The following MAGI2 variants were observed in gnomAD, a reference collection of about 807,000 sequenced individuals.
MAGI2 encodes membrane associated guanylate kinase, WW and PDZ domain containing 2, also known as membrane-associated guanylate kinase, WW and PDZ domain-containing protein 2.
MAGI2 carries 35 observed loss-of-function variants against 133.3 expected under a neutral mutation model. The observed-to-expected ratio is 0.26, with a 90% CI of 0.20 to 0.35. The LOEUF (loss-of-function observed/expected upper bound fraction) is 0.35. Among genes scored for constraint, MAGI2 ranks in the 10% least tolerant of loss-of-function variants. The probability of loss-of-function intolerance (pLI) is 1.00; values close to 1 mark genes in which losing one functional copy is unlikely to be tolerated. For synonymous variants in MAGI2, 729 were observed against 710.6 expected (o/e 1.03, Z -0.41); for missense variants, 1,636 against 1,863.4 (o/e 0.88, Z 2.25).
intron 6 of MAGI2, among the ~76,000 whole-genome samples, chr7:78,431,361 G>C (rs1163071064): frequency 6.6e-6 from 1 of 152,036 alleles, no homozygotes; most frequent in African/African-American, 2.4e-5. Flanking sequence ...TATTTAGGGA[G>C]AGGAAGCAAA....
chr7:78,671,666 C>T (rs73380224), intron 2 of MAGI2, among the ~76,000 whole-genome samples: 1,694 of 152,150 alleles, frequency 0.011, 38 homozygotes, highest in African/African-American at 0.038. Flanking sequence ...CTTGGCACTG[C>T]ATAAAGAAAG....
intron 15 of MAGI2, among the ~76,000 whole-genome samples, chr7:78,164,304 T>C (rs1825405425): frequency 6.6e-6 from 1 of 152,180 alleles, no homozygotes; most frequent in South Asian, 2.1e-4. Context: ...CAGACAGGCA[T>C]ATTTTGCCTT....
At chr7:78,495,270 A>G (rs1382100919) in intron 5 of MAGI2, among the ~76,000 whole-genome samples, 3 of 152,040 alleles carry the variant, frequency 2.0e-5, no homozygotes, top group Non-Finnish European at 2.9e-5. Flanking sequence ...CTAGGCCCCT[A>G]TCCCCCAACA....
At chr7:78,108,618 CT>C (rs1406522694) in intron 20 of MAGI2, among the ~76,000 whole-genome samples, 1 of 143,512 alleles carries the variant, frequency 7.0e-6, no homozygotes, top group Non-Finnish European at 1.5e-5. Flanking sequence ...CTCTCTCTCT[CT>C]CATTCTCTCT....
At chr7:78,602,359 C>T (rs1805296653) in intron 3 of MAGI2, among the ~76,000 whole-genome samples, 1 of 152,126 alleles carries the variant, frequency 6.6e-6, no homozygotes, top group Non-Finnish European at 1.5e-5. Context: ...GGGGTTTCAC[C>T]ACGTTGGCCA....
chr7:78,116,963 T>C lies in MAGI2; in HGVS notation c.3567+8731A>G, dbSNP rs187129704. ...GGTAAATTATTAGGAAGAAAAGCAG[T>C]TTATCAGAATAGACTTAAAAAGCAA... On this transcript the variant is annotated intron_variant, in intron 20 of 21. Coordinates refer to ENST00000354212, the MANE Select transcript of MAGI2 (RefSeq NM_012301.4). Among the ~76,000 whole-genome samples, 65 of 151,588 alleles carry C rather than the reference T, an allele frequency of 4.3e-4. 1 individual carries two copies. Among genetic ancestry groups the C allele is most frequent in the Admixed American group, 3.7e-3 (56 of 15,166 alleles).
At chr7:79,252,833 G>T (rs1318819174) in intron 1 of MAGI2, among the ~76,000 whole-genome samples, 3 of 152,090 alleles carry the variant, frequency 2.0e-5, no homozygotes, top group Non-Finnish European at 4.4e-5. Flanking sequence ...AAATCAGAAG[G>T]TTTTCAATCA....
At chr7:78,905,272 C>T (rs1797911581) in intron 2 of MAGI2, among the ~76,000 whole-genome samples, 1 of 152,166 alleles carries the variant, frequency 6.6e-6, no homozygotes, top group South Asian at 2.1e-4. Flanking sequence ...GACACCGTGC[C>T]GTGCAAGCCA....
intron 6 of MAGI2, among the ~76,000 whole-genome samples, chr7:78,481,718 AT>A (rs1217566197): frequency 2.3e-5 from 3 of 128,230 alleles, no homozygotes. Flanking sequence ...GGAAAAAAAA[AT>A]AGAGAACCTT....
At chr7:78,118,574 C>A (rs1045786385) in intron 20 of MAGI2, among the ~76,000 whole-genome samples, 1 of 152,188 alleles carries the variant, frequency 6.6e-6, no homozygotes, top group Non-Finnish European at 1.5e-5. Context: ...AGAAGATATA[C>A]ATATGGCAGA....
intron 2 of MAGI2, among the ~76,000 whole-genome samples, chr7:78,822,652 G>A (rs1240413935): frequency 1.3e-5 from 2 of 151,922 alleles, no homozygotes; most frequent in Non-Finnish European, 2.9e-5. Flanking sequence ...AAAATACAAT[G>A]ACAATATAAG....
At chr7:78,282,384 C>A (rs897923217) in intron 9 of MAGI2, among the ~76,000 whole-genome samples, 1 of 152,108 alleles carries the variant, frequency 6.6e-6, no homozygotes, top group African/African-American at 2.4e-5. Flanking sequence ...ACCCAGCACA[C>A]TGCCTATTTT....
intron 9 of MAGI2, among the ~76,000 whole-genome samples, chr7:78,320,498 A>T (rs1173170099): frequency 5.9e-5 from 9 of 152,232 alleles, no homozygotes; most frequent in Admixed American, 5.9e-4. Flanking sequence ...AATCCATCAC[A>T]TAAGCCGAAC....
chr7:78,237,250 T>C (rs929526293), intron 10 of MAGI2, among the ~76,000 whole-genome samples: 2 of 152,174 alleles, frequency 1.3e-5, no homozygotes, highest in African/African-American at 4.8e-5. Context: ...TTAAGTGATA[T>C]GTGTTTGCAG....
At position 78,330,478 on chromosome 7, in the gene MAGI2, G is replaced by A. The variant is rs1584900664; in HGVS notation, c.1408+13300C>T. On this transcript the variant is annotated intron_variant, in intron 9 of 21. Coordinates refer to ENST00000354212, the MANE Select transcript of MAGI2 (RefSeq NM_012301.4). ...TAAAAATACAAAAAATTAGCCGGGC[G>A]AGGTGGCGGGCGCCTGTAGTCCCAG... Among the ~76,000 whole-genome samples, 2 of 90,916 alleles carry A rather than the reference G, an allele frequency of 2.2e-5. 1 individual carries two copies. The allele number at this position is 90,916 out of a possible 152,430, so 59.6% of individuals were successfully genotyped here.
chr7:78,432,843 A>G (rs540136066), intron 6 of MAGI2, among the ~76,000 whole-genome samples: 1 of 152,050 alleles, frequency 6.6e-6, no homozygotes, highest in Admixed American at 6.6e-5. Context: ...TATATAAAGC[A>G]CTCATTTTCA....
intron 1 of MAGI2, among the ~76,000 whole-genome samples, chr7:79,139,135 C>T (rs1171278266): frequency 6.6e-6 from 1 of 152,084 alleles, no homozygotes; most frequent in East Asian, 1.9e-4. Context: ...CTTGAACTTC[C>T]AGCCTCCAGA....
intron 2 of MAGI2, among the ~76,000 whole-genome samples, chr7:78,766,009 C>T (rs895041953): frequency 1.3e-5 from 2 of 152,180 alleles, no homozygotes; most frequent in African/African-American, 4.8e-5. Flanking sequence ...TCTTCATAAA[C>T]AGCTGTACGA....
intron 10 of MAGI2, among the ~76,000 whole-genome samples, chr7:78,224,041 T>C (rs931160181): frequency 6.6e-6 from 1 of 152,186 alleles, no homozygotes; most frequent in Non-Finnish European, 1.5e-5. Flanking sequence ...CTTGGACTGC[T>C]TGATTCAAAG....
Sources: gnomAD v4.1 joint callset for allele counts (sites outside exome capture counted in the v4.1 genomes callset) on GRCh38, gnomAD v4.1.1 for gene constraint, MANE v1.5 for transcripts, NCBI Gene and HGNC (gene_info 2026-07-23, HGNC 2026-07-21) for gene names.